The following AIG1 variants were observed in gnomAD, a reference collection of about 807,000 sequenced individuals.
The protein encoded by AIG1 is androgen-induced gene 1 protein.
Under a neutral mutation model 31.4 loss-of-function variants are expected in AIG1, and 23 were observed. The ratio of observed to expected loss-of-function variants is 0.73; its 90% CI spans 0.53 to 1.04. The LOEUF (loss-of-function observed/expected upper bound fraction) is 1.04, where lower values mean the gene tolerates loss of function less well. AIG1 is among the 50% of genes least tolerant of loss of function. The probability of loss-of-function intolerance (pLI) is 0.00; values close to 1 mark genes in which losing one functional copy is unlikely to be tolerated. For missense variants in AIG1, 274 were observed against 295.0 expected, an observed-to-expected ratio of 0.93 and a Z score of 0.52; for synonymous variants, 100 against 110.5, an observed-to-expected ratio of 0.90 and a Z score of 0.60.
intron 1 of AIG1, among the ~76,000 whole-genome samples, chr6:143,096,189 A>G (rs938470276): frequency 6.6e-6 from 1 of 152,042 alleles, no homozygotes; most frequent in Non-Finnish European, 1.5e-5. Context: ...TACAGGCGTG[A>G]GCCACCACGC....
intron 1 of AIG1, among the ~76,000 whole-genome samples, chr6:143,102,463 T>C (rs1780376267): frequency 6.8e-6 from 1 of 147,174 alleles, no homozygotes; most frequent in African/African-American, 2.5e-5. Context: ...AGGATATATA[T>C]ATATATATAA....
At chr6:143,203,326 G>A (rs1200527935) in intron 3 of AIG1, among the ~76,000 whole-genome samples, 3 of 152,132 alleles carry the variant, frequency 2.0e-5, no homozygotes, top group Non-Finnish European at 4.4e-5. Context: ...GTTTTGTACT[G>A]TTCTATACTC....
At chr6:143,336,191 G>T (rs1200182680) in intron 5 of AIG1, among the ~76,000 whole-genome samples, 1 of 150,500 alleles carries the variant, frequency 6.6e-6, no homozygotes, top group East Asian at 1.9e-4. Context: ...CCCCCAAGAA[G>T]AAGGAAGATT....
rs1452226915 is a variant in AIG1 at position 143,256,640 on chromosome 6, T to C, written c.400-27470T>C. Among the ~76,000 whole-genome samples the C allele has an allele frequency of 6.6e-6, 1 of 152,240 alleles. No individual in the cohort carries two copies. Among genetic ancestry groups the C allele is most frequent in the Non-Finnish European group, 1.5e-5 (1 of 68,036 alleles). ...GAAATAGGGTGGGAAAGGATCTTAC[T>C]GAAATAAACATATACTATCAATATG... On this transcript the variant is annotated intron_variant, in intron 3 of 5. Coordinates refer to ENST00000357847, the MANE Select transcript of AIG1 (RefSeq NM_016108.4). This position sits in a 1 kb window ranked among gnomAD's most constrained non-coding sequence, Gnocchi z 4.6.
chr6:143,255,400 T>G (rs561330586), intron 3 of AIG1, among the ~76,000 whole-genome samples: 1 of 152,324 alleles, frequency 6.6e-6, no homozygotes, highest in South Asian at 2.1e-4. Flanking sequence ...GATTCTTGGC[T>G]GGCGGATGGT....
intron 4 of AIG1, among the ~76,000 whole-genome samples, chr6:143,323,556 TG>T (rs1206361190): frequency 6.6e-6 from 1 of 152,256 alleles, no homozygotes; most frequent in Non-Finnish European, 1.5e-5. Context: ...TATTTCAGAT[TG>T]GCTCCTTCTA....
chr6:143,198,983 T>C (rs1245366750), intron 3 of AIG1, among the ~76,000 whole-genome samples: 8 of 151,962 alleles, frequency 5.3e-5, no homozygotes, highest in Non-Finnish European at 8.8e-5. Flanking sequence ...ATAAGAAAGA[T>C]CCAAAACTGC....
intron 4 of AIG1, among the ~76,000 whole-genome samples, chr6:143,319,950 G>T (rs1478939191): frequency 6.6e-6 from 1 of 152,088 alleles, no homozygotes; most frequent in Non-Finnish European, 1.5e-5. Context: ...ATGGGAGAAA[G>T]TATTTGTAAA....
At chr6:143,126,153 G>T (rs748937595) in intron 1 of AIG1, 1 of 152,206 alleles carries the variant, frequency 6.6e-6, no homozygotes, top group South Asian at 2.1e-4. Context: ...AGGCTAACCC[G>T]CTCCAAGGGT....
intron 4 of AIG1, among the ~76,000 whole-genome samples, chr6:143,319,722 C>T (rs1776050501): frequency 6.6e-6 from 1 of 151,722 alleles, no homozygotes; most frequent in Non-Finnish European, 1.5e-5. Context: ...AGCTAGATTA[C>T]CTTTTTAAAA....
At chr6:143,146,336 C>G (rs1342397176) in intron 2 of AIG1, among the ~76,000 whole-genome samples, 9 of 152,130 alleles carry the variant, frequency 5.9e-5, no homozygotes, top group Admixed American at 5.9e-4. Context: ...ACATGTGATT[C>G]CTGTCCTCAA....
chr6:143,153,972 C>A (rs891436834), intron 2 of AIG1, among the ~76,000 whole-genome samples: 1 of 151,064 alleles, frequency 6.6e-6, no homozygotes, highest in Non-Finnish European at 1.5e-5. Flanking sequence ...TGAAAGTGGC[C>A]AGGTGTGGTG....
Position 143,136,916 on chromosome 6 carries a change from C to T in AIG1, c.223C>T (p.Gln75Ter). ...LLTRGSGNQEQERQLKKLISL... is the reference protein window; with the variant it reads ...LLTRGSGNQE Reference sequence around the variant, plus strand: ...GACTCGAGGAAGTGGGAACCAGGAGCAAGAGAGGCAGCTCAAGAAGCTCAT... The same window carrying T: ...GACTCGAGGAAGTGGGAACCAGGAGTAAGAGAGGCAGCTCAAGAAGCTCAT... Residue 75 changes from glutamine (Q) to a stop codon, truncating the protein, a stop_gained, in exon 2 of 6, where the codon CAA becomes TAA. Transcript: ENST00000357847. LOFTEE classifies it high-confidence loss of function. The T allele has an allele frequency of 6.5e-7, 1 of 1,535,074 alleles. No individual in the cohort carries two copies. Among genetic ancestry groups the T allele is most frequent in the East Asian group, 2.4e-5 (1 of 41,788 alleles).
intron 2 of AIG1, among the ~76,000 whole-genome samples, chr6:143,160,767 C>T (rs1474879725): frequency 6.6e-6 from 1 of 152,198 alleles, no homozygotes; most frequent in Non-Finnish European, 1.5e-5. Flanking sequence ...CAAGAAGCTA[C>T]CATCTGTGCT....
chr6:143,301,534 CA>C (rs1798825199), intron 4 of AIG1, among the ~76,000 whole-genome samples: 1 of 152,216 alleles, frequency 6.6e-6, no homozygotes, highest in African/African-American at 2.4e-5. Flanking sequence ...CACAGTTCTG[CA>C]GCACTGCGGA....
At chr6:143,324,773 A>T (rs1277157436) in intron 4 of AIG1, among the ~76,000 whole-genome samples, 4 of 152,232 alleles carry the variant, frequency 2.6e-5, no homozygotes, top group Admixed American at 6.5e-5. Context: ...AAGCAACCTA[A>T]TTCCTTATCT....
intron 2 of AIG1, among the ~76,000 whole-genome samples, chr6:143,157,868 CTCTATGTTTTTT>C (rs1466939024): frequency 1.3e-5 from 2 of 152,080 alleles, no homozygotes; most frequent in Non-Finnish European, 2.9e-5. Flanking sequence ...TCATATTCCT[CTCTATGTTTTTT>C]GTGTTATCTA....
chr6:143,261,024 C>G (rs1221905936), intron 3 of AIG1, among the ~76,000 whole-genome samples: 1 of 152,150 alleles, frequency 6.6e-6, no homozygotes, highest in Non-Finnish European at 1.5e-5. Context: ...AGGAGACTCC[C>G]AGAGTTTCAA....
chr6:143,085,178 C>G lies in AIG1; in HGVS notation c.141+24112C>G, dbSNP rs570492372. Among the ~76,000 whole-genome samples, 35 of 152,296 alleles carry G rather than the reference C, an allele frequency of 2.3e-4. No homozygotes were observed. In the South Asian group the frequency reaches 6.8e-3, roughly 30 times the overall value. ...TGAGAGGGAAAAAGGTACATGCACT[C>G]TGACTGGGCTGAATTCTCCAGAATA... On this transcript the variant is annotated intron_variant, in intron 1 of 5. Coordinates refer to ENST00000357847, the MANE Select transcript of AIG1 (RefSeq NM_016108.4).
Sources: gnomAD v4.1 joint callset for allele counts (sites outside exome capture counted in the v4.1 genomes callset) on GRCh38, gnomAD v4.1.1 for gene constraint, Gnocchi (gnomAD v3.1) non-coding constraint, MANE v1.5 for transcripts, NCBI Gene and HGNC (gene_info 2026-07-23, HGNC 2026-07-21) for gene names.